Variants in GDPD5 observed in about 807,000 individuals in gnomAD.
GDPD5 encodes the protein glycerophosphodiester phosphodiesterase 2.
A neutral mutation model predicts 75.1 loss-of-function variants in GDPD5; 48 were observed. That is an observed-to-expected ratio of 0.64 (90% CI 0.51 to 0.81). The LOEUF (loss-of-function observed/expected upper bound fraction) is 0.81, where lower values mean the gene tolerates loss of function less well. Among genes scored for constraint, GDPD5 ranks in the 40% least tolerant of loss-of-function variants. The pLI is 0.00. For missense variants in GDPD5, 706 were observed against 822.6 expected (o/e 0.86, Z 1.73); for synonymous variants, 336 against 339.0 (o/e 0.99, Z 0.10).
intron 1 of GDPD5, among the ~76,000 whole-genome samples, chr11:75,514,982 C>T (rs1225173073): frequency 6.6e-6 from 1 of 152,218 alleles, no homozygotes. Flanking sequence ...GGCTAAGTGA[C>T]TTGCCCATGT....
intron 9 of GDPD5, among the ~76,000 whole-genome samples, chr11:75,446,208 G>T (rs987547556): frequency 1.3e-5 from 2 of 152,240 alleles, no homozygotes; most frequent in Non-Finnish European, 2.9e-5. Context: ...GACCCTCAGG[G>T]CAGAGGAAGT....
intron 2 of GDPD5, chr11:75,479,143 G>C (rs1425534687): frequency 6.6e-6 from 1 of 152,224 alleles, no homozygotes; most frequent in Non-Finnish European, 1.5e-5. Context: ...GTGACCAGGT[G>C]GCAATGGGCT....
intron 5 of GDPD5, among the ~76,000 whole-genome samples, chr11:75,457,209 AG>A (rs1949303514): frequency 1.3e-5 from 2 of 152,222 alleles, no homozygotes; most frequent in South Asian, 4.1e-4. Context: ...CATCTCAGTG[AG>A]TGGAATATCG....
chr11:75,475,734 G>A (rs966586303), intron 3 of GDPD5, among the ~76,000 whole-genome samples: 2 of 152,146 alleles, frequency 1.3e-5, no homozygotes, highest in Non-Finnish European at 2.9e-5. Flanking sequence ...CCTTTCTGCA[G>A]AGGCGCTGCC....
Position 75,478,462 on chromosome 11 carries a change from A to G in GDPD5, c.-60-667T>C, listed in dbSNP as rs568639385. On this transcript the variant is annotated intron_variant, in intron 2 of 16. Coordinates refer to ENST00000336898, the MANE Select transcript of GDPD5 (RefSeq NM_030792.8). ...CACCTGGCCACATGTCCTTTACTCA[A>G]TGAGACTGTCCCAGATCACCTTCTG... is the stretch of plus-strand genomic sequence containing the variant. Among the ~76,000 whole-genome samples the G allele has an allele frequency of 1.7e-4, 26 of 152,336 alleles. No individual in the cohort carries two copies. The South Asian group carries it at 5.2e-3, about 30-fold the overall frequency.
At chr11:75,464,076 G>A (rs1272622310) in intron 3 of GDPD5, among the ~76,000 whole-genome samples, 2 of 152,226 alleles carry the variant, frequency 1.3e-5, no homozygotes, top group Non-Finnish European at 2.9e-5. Flanking sequence ...CAGAGACTGA[G>A]CCGACTTCCA....
chr11:75,441,447 G>T, intron 13 of GDPD5, 137 bp from the exon 14 acceptor site: 1 of 1,253,956 alleles, frequency 8.0e-7, no homozygotes, highest in Non-Finnish European at 1.1e-6. Context: ...AGAGGGCCAA[G>T]CTCCGGGACA....
At chr11:75,456,219 G>A (rs577493609) in intron 6 of GDPD5, among the ~76,000 whole-genome samples, 1 of 152,214 alleles carries the variant, frequency 6.6e-6, no homozygotes, top group Non-Finnish European at 1.5e-5. Flanking sequence ...TGATGGGTTG[G>A]GAGATCAGCA....
chr11:75,503,144 T>A (rs946664017), intron 1 of GDPD5, among the ~76,000 whole-genome samples: 1 of 152,226 alleles, frequency 6.6e-6, no homozygotes, highest in African/African-American at 2.4e-5. Flanking sequence ...CTCAGACTCC[T>A]GTGTAGCTGG....
intron 16 of GDPD5, among the ~76,000 whole-genome samples, chr11:75,436,056 C>A (rs946179327): frequency 1.3e-5 from 2 of 152,188 alleles, no homozygotes; most frequent in African/African-American, 4.8e-5. Flanking sequence ...GAGCCCTGGG[C>A]CGAGTTAGGG....
chr11:75,440,929 C>T (rs1470085519), intron 14 of GDPD5, among the ~76,000 whole-genome samples: 2 of 152,140 alleles, frequency 1.3e-5, no homozygotes, highest in Non-Finnish European at 2.9e-5. Flanking sequence ...TCTTTAGAGC[C>T]CTTAGTGATG....
chr11:75,496,099 G>C (rs965942652), intron 1 of GDPD5, among the ~76,000 whole-genome samples: 3 of 152,206 alleles, frequency 2.0e-5, no homozygotes, highest in Non-Finnish European at 4.4e-5. Context: ...TCTTGCAGGG[G>C]AGCCAGGGTG....
chr11:75,500,407 G>A (rs1012938441), intron 1 of GDPD5, among the ~76,000 whole-genome samples: 1 of 152,136 alleles, frequency 6.6e-6, no homozygotes, highest in African/African-American at 2.4e-5. Flanking sequence ...CTTCTGTGTG[G>A]GTAAATCCAT....
chr11:75,439,802 G>C (rs1482175800), intron 15 of GDPD5, 77 bp downstream of exon 15: 6 of 1,186,208 alleles, frequency 5.1e-6, no homozygotes. Context: ...GCTCAGGAGA[G>C]GGTTCACCTG....
rs761882399 is a variant in GDPD5, at chr11:75,441,702, T to G, written c.1269A>C (p.Arg423Ser). ...GSKEAVASLR[R>S]GHIQRLNLRY... ...GCAGGTTCAGCCGCTGGATGTGGCCTCTCCGCAGGCTGGCGACTGCCTCCT... is the reference window on the plus strand; with the variant it reads ...GCAGGTTCAGCCGCTGGATGTGGCCGCTCCGCAGGCTGGCGACTGCCTCCT... Residue 423 changes from arginine to serine, a missense_variant, in exon 13 of 17, where the codon AGA (arginine) becomes AGC (serine). By Grantham distance (110) the Arg-to-Ser change is moderately radical (BLOSUM62 -1). Transcript: ENST00000336898. 2 of 1,610,180 alleles carry G rather than the reference T, an allele frequency of 1.2e-6. No individual in the cohort carries two copies. The highest frequency in any genetic ancestry group is 4.5e-5 in the East Asian group (2 of 44,852).
chr11:75,437,237 G>C lies in GDPD5; in HGVS notation c.1557-189C>G, dbSNP rs971752283. ...TTGAATCAGAGCCTACTGACTCTCG[G>C]CCAGGGCTCCCTGGCCTCCCTCTTA... On this transcript the variant is annotated intron_variant, in intron 15 of 16. Transcript: ENST00000336898. 25 of 566,512 alleles carry C rather than the reference G, an allele frequency of 4.4e-5. No individual in the cohort carries two copies. In the African/African-American group the frequency reaches 4.7e-4, roughly 11 times the overall value. The allele number at this position is 566,512 out of a possible 1,614,324, so 35.1% of individuals were successfully genotyped here. A position where few individuals can be genotyped will look rare whatever the true frequency, so the allele number is the denominator to read the frequency against.
chr11:75,441,355 C>A (rs1948795740), intron 13 of GDPD5, 45 bp from the exon 14 acceptor site: 1 of 1,610,692 alleles, frequency 6.2e-7, no homozygotes. Flanking sequence ...ACCCTGGCAG[C>A]TCCAGGCCCA....
chr11:75,441,726 CTTGGAGCCTGATG>C lies in GDPD5; in HGVS notation c.1232_1244del (p.Thr411ArgfsTer15). 1 of 1,611,696 alleles carries C rather than the reference CTTGGAGCCTGATG, an allele frequency of 6.2e-7. No homozygotes were observed. On this transcript the variant is annotated frameshift_variant, in exon 13 of 17. Transcript: ENST00000336898. LOFTEE classifies it high-confidence loss of function. ...CTCTCCGCAGGCTGGCGACTGCCTCCTTGGAGCCTGATGTCTGTTGGAAGCCGGGAGCCACCTT... is the reference window on the plus strand; with the variant it reads ...CTCTCCGCAGGCTGGCGACTGCCTCCTCTGTTGGAAGCCGGGAGCCACCTT...
intron 16 of GDPD5, 53 bp downstream of exon 16, chr11:75,436,883 G>C: frequency 7.6e-7 from 1 of 1,316,366 alleles, no homozygotes; most frequent in Non-Finnish European, 1.1e-6. Context: ...GCATGTGGGG[G>C]TGCAGAAAGC....
Sources: gnomAD v4.1 joint callset for allele counts (sites outside exome capture counted in the v4.1 genomes callset) on GRCh38, gnomAD v4.1.1 for gene constraint, MANE v1.5 for transcripts, NCBI Gene and HGNC (gene_info 2026-07-23, HGNC 2026-07-21) for gene names.